Variants in MLLT10 observed in about 807,000 individuals in gnomAD.
MLLT10 encodes MLLT10 histone lysine methyltransferase DOT1L cofactor, also known as protein AF-10.
A neutral mutation model predicts 129.1 loss-of-function variants in MLLT10; 30 were observed. That is an observed-to-expected ratio of 0.23 (90% CI 0.17 to 0.32). The LOEUF is 0.32. MLLT10 is among the 10% of genes least tolerant of loss of function. The probability of loss-of-function intolerance (pLI) is 1.00; values close to 1 mark genes in which losing one functional copy is unlikely to be tolerated. For synonymous variants in MLLT10, 490 were observed against 446.4 expected (o/e 1.10, Z -1.23); for missense variants, 1,119 against 1,268.3 (o/e 0.88, Z 1.79).
At chr10:21,613,798 G>C (rs929403240) in intron 6 of MLLT10, among the ~76,000 whole-genome samples, 1 of 151,960 alleles carries the variant, frequency 6.6e-6, no homozygotes, top group Admixed American at 6.6e-5. Context: ...CCAGCTACTC[G>C]GGAGGCTGAG....
intron 4 of MLLT10, among the ~76,000 whole-genome samples, chr10:21,592,910 C>T (rs1402637561): frequency 1.3e-5 from 2 of 152,082 alleles, no homozygotes; most frequent in Non-Finnish European, 2.9e-5. Context: ...CATTTTCTTT[C>T]TCATATTTTC....
chr10:21,555,296 C>A (rs1473632117), intron 3 of MLLT10, among the ~76,000 whole-genome samples: 2 of 152,100 alleles, frequency 1.3e-5, no homozygotes, highest in Admixed American at 1.3e-4. Flanking sequence ...GATCTTGGCT[C>A]ACTGCAGTCC....
chr10:21,647,564 G>C (rs1016828697), intron 8 of MLLT10, among the ~76,000 whole-genome samples: 3 of 152,072 alleles, frequency 2.0e-5, no homozygotes, highest in African/African-American at 7.2e-5. Flanking sequence ...CATTTCCCTA[G>C]GCAGTTATTA....
At chr10:21,617,538 C>T (rs1485277901) in intron 8 of MLLT10, among the ~76,000 whole-genome samples, 1 of 152,046 alleles carries the variant, frequency 6.6e-6, no homozygotes, top group Admixed American at 6.6e-5. Context: ...GATTTCTTCG[C>T]CTGTAAGTAA....
chr10:21,640,339 AATAT>A (rs956553982), intron 8 of MLLT10, among the ~76,000 whole-genome samples: 3 of 146,226 alleles, frequency 2.1e-5, no homozygotes, highest in Admixed American at 1.4e-4. Context: ...TATTACATAA[AATAT>A]ATATACACAC....
At position 21,726,339 on chromosome 10, in the gene MLLT10, T is replaced by G; in HGVS notation, c.1974T>G (p.Ser658=). ...NSSMAALIAQ[S]ENNQTDQDLG... ...CAATGGCAGCTCTTATAGCTCAGTC[T>G]GAAAACAATCAAACAGGTAAGTTTT... The change falls in exon 15 of 23, where the codon TCT becomes TCG. Residue 658 remains serine, a synonymous_variant. Transcript: ENST00000307729. 6.2e-7 allele frequency: 1 copy of G among 1,610,184 alleles called. No individual in the cohort carries two copies. Among genetic ancestry groups the G allele is most frequent in the Non-Finnish European group, 8.5e-7 (1 of 1,176,858 alleles).
intron 4 of MLLT10, among the ~76,000 whole-genome samples, chr10:21,593,500 C>T (rs2131123109): frequency 6.6e-6 from 1 of 152,254 alleles, no homozygotes; most frequent in African/African-American, 2.4e-5. Context: ...AGTAAGCATA[C>T]TTATTTTAAA....
intron 3 of MLLT10, among the ~76,000 whole-genome samples, chr10:21,561,332 C>G (rs1171895372): frequency 6.6e-6 from 1 of 151,814 alleles, no homozygotes; most frequent in South Asian, 2.1e-4. Context: ...GTTCTGCCTC[C>G]TGGGTGCAAG....
intron 8 of MLLT10, among the ~76,000 whole-genome samples, chr10:21,628,865 C>T (rs954464948): frequency 6.6e-6 from 1 of 151,192 alleles, no homozygotes; most frequent in Non-Finnish European, 1.5e-5. Flanking sequence ...GCGATTGCCT[C>T]AGCCTCCGCA....
intron 8 of MLLT10, chr10:21,625,013 A>G (rs1564530231): frequency 3.0e-6 from 3 of 1,013,376 alleles, no homozygotes; most frequent in Admixed American, 2.2e-5. Context: ...AGCCACCATC[A>G]TAGCCATAGT....
In MLLT10 at chr10:21,540,325, G is replaced by A. The variant is rs998658438; in HGVS notation, c.240+1413G>A. ...GAATCGCTTGAATGAGGGAGCCAGA[G>A]GTTGCAGTGAGCCAAGATTGTGCCA... is the stretch of plus-strand genomic sequence containing the variant. On this transcript the variant is annotated intron_variant, in intron 3 of 22. Coordinates refer to ENST00000307729, the MANE Select transcript of MLLT10 (RefSeq NM_001195626.3). 2.0e-5 allele frequency among the ~76,000 whole-genome samples: 3 copies of A among 151,994 alleles called. No individual in the cohort carries two copies. The South Asian group carries it at 6.2e-4, about 32-fold the overall frequency.
chr10:21,563,009 G>A (rs1479011289), intron 3 of MLLT10, among the ~76,000 whole-genome samples: 1 of 151,680 alleles, frequency 6.6e-6, no homozygotes, highest in African/African-American at 2.4e-5. Flanking sequence ...AGTAGAGACA[G>A]GGTTTCTCCA....
At chr10:21,676,410 T>C (rs538054642) in intron 11 of MLLT10, among the ~76,000 whole-genome samples, 6 of 147,346 alleles carry the variant, frequency 4.1e-5, no homozygotes, top group Admixed American at 4.1e-4. Context: ...AGAGCGAGAC[T>C]CCGTCTCAAA....
chr10:21,621,613 C>G (rs903945478), intron 8 of MLLT10, among the ~76,000 whole-genome samples: 7 of 151,424 alleles, frequency 4.6e-5, no homozygotes, highest in Non-Finnish European at 7.4e-5. Context: ...TCCGCCCCCC[C>G]CACCCCGCCC....
chr10:21,697,488 T>C (rs1405192945), intron 13 of MLLT10, among the ~76,000 whole-genome samples: 3 of 151,904 alleles, frequency 2.0e-5, no homozygotes, highest in Non-Finnish European at 4.4e-5. Flanking sequence ...CAAAAAAAGT[T>C]TGTTGATGAT....
intron 9 of MLLT10, among the ~76,000 whole-genome samples, chr10:21,669,767 A>T (rs1372140116): frequency 6.6e-6 from 1 of 152,220 alleles, no homozygotes; most frequent in Non-Finnish European, 1.5e-5. Flanking sequence ...AAAACTGGAA[A>T]CTATACAAGT....
chr10:21,685,618 A>T (rs1238525027), intron 13 of MLLT10, among the ~76,000 whole-genome samples: 1 of 152,224 alleles, frequency 6.6e-6, no homozygotes, highest in Admixed American at 6.5e-5. Context: ...CTGGGATTAC[A>T]GGCGTGAGCC....
At chr10:21,734,690 A>G (rs943672427) in intron 20 of MLLT10, among the ~76,000 whole-genome samples, 3 of 152,198 alleles carry the variant, frequency 2.0e-5, no homozygotes, top group Admixed American at 6.5e-5. Context: ...CTAGAAAGCT[A>G]TTTCCTGTAG....
In MLLT10 at chr10:21,664,724, A is replaced by G. The variant is rs188484262; in HGVS notation, c.796-5725A>G. On this transcript the variant is annotated intron_variant, in intron 9 of 22. Transcript: ENST00000307729. ...TTTTTGCTTGTTTGTTCTGTCAGTTATTGTGAGCGGTGGGTATTAGGTGCA... is the reference window on the plus strand; with the variant it reads ...TTTTTGCTTGTTTGTTCTGTCAGTTGTTGTGAGCGGTGGGTATTAGGTGCA... Among the ~76,000 whole-genome samples, 4 of 152,034 alleles carry G rather than the reference A, an allele frequency of 2.6e-5. No homozygotes were observed. In the East Asian group the frequency reaches 7.7e-4, roughly 29 times the overall value.
Sources: allele counts gnomAD v4.1 joint callset (sites outside exome capture counted in the v4.1 genomes callset), GRCh38; gene constraint gnomAD v4.1.1; transcripts MANE v1.5; gene names NCBI Gene and HGNC (gene_info 2026-07-23, HGNC 2026-07-21).